Variants in MYH8 observed in about 807,000 individuals in gnomAD.
The protein encoded by MYH8 is myosin heavy chain 8.
MYH8 carries 168 observed loss-of-function variants against 233.2 expected under a neutral mutation model. The ratio of observed to expected loss-of-function variants is 0.72; its 90% CI spans 0.64 to 0.82. The LOEUF (loss-of-function observed/expected upper bound fraction) is 0.82, where lower values mean the gene tolerates loss of function less well. Among genes scored for constraint, MYH8 ranks in the 40% least tolerant of loss-of-function variants. MYH8 has a pLI of 0.00. For synonymous variants in MYH8, 785 were observed against 850.6 expected, an observed-to-expected ratio of 0.92 and a Z score of 1.34; for missense variants, 1,995 against 2,327.8, an observed-to-expected ratio of 0.86 and a Z score of 2.94.
At position 10,391,910 on chromosome 17, in the gene MYH8, T is replaced by G. The variant is rs769925803; in HGVS notation, c.5636A>C (p.Lys1879Thr). 6.2e-7 allele frequency: 1 copy of G among 1,614,120 alleles called. No homozygotes were observed. Among genetic ancestry groups the G allele is most frequent in the Non-Finnish European group, 8.5e-7 (1 of 1,179,994 alleles). The change falls in exon 39 of 40, where the codon AAA becomes ACA. Residue 1879 changes from lysine (K) to threonine (T), a missense_variant. Coordinates refer to ENST00000403437, the MANE Select transcript of MYH8 (RefSeq NM_002472.3). ...CTCCTCAGCTTGTCTCTTGTATGAT[T>G]TCACCTTCGCCTGTAATTTATCTAC... Reference protein sequence around the residue: ...DLVDKLQAKVKSYKRQAEEAE... With the variant: ...DLVDKLQAKVTSYKRQAEEAE...
At position 10,390,468 on chromosome 17, in the gene MYH8, T is replaced by C. The variant is rs934091317; in HGVS notation, c.5800A>G (p.Ile1934Val). 4.0e-5 allele frequency: 64 copies of C among 1,613,532 alleles called. No homozygotes were observed. The highest frequency in any genetic ancestry group is 1.8e-4 in the Middle Eastern group (1 of 5,582). ...RVKSREVHTK[I>V]SAE ...GGCAGGTGTGTTTACTCTGCACTGA[T>C]TTTTGTGTGAACCTCTCGGCTCTTC... Residue 1934 changes from isoleucine to valine, a missense_variant, in exon 40 of 40, where the codon ATC becomes GTC. Physicochemically the swap from Ile to Val is conservative, Grantham distance 29. Coordinates refer to ENST00000403437, the MANE Select transcript of MYH8 (RefSeq NM_002472.3).
chr17:10,415,584 T>G lies in MYH8; in HGVS notation c.540-4A>C. ...CTTTCCGGCACCAGATTCTCCGCTGTCAAACAGAAATCAGAGAAGAGATCA... is the reference window on the plus strand; with the variant it reads ...CTTTCCGGCACCAGATTCTCCGCTGGCAAACAGAAATCAGAGAAGAGATCA... On this transcript the variant is annotated splice_region_variant and splice_polypyrimidine_tract_variant and intron_variant, in intron 6 of 39. Transcript: ENST00000403437. This position sits in a 1 kb window ranked among gnomAD's most constrained non-coding sequence, Gnocchi z 4.1. 1 of 1,614,090 alleles carries G rather than the reference T, an allele frequency of 6.2e-7. No individual in the cohort carries two copies. The highest frequency in any genetic ancestry group is 1.1e-5 in the South Asian group (1 of 91,076).
At chr17:10,397,170 G>A (rs1231747675) in intron 30 of MYH8, among the ~76,000 whole-genome samples, 184 bp from the exon 31 acceptor site, 5 of 152,228 alleles carry the variant, frequency 3.3e-5, no homozygotes, top group South Asian at 2.1e-4. Flanking sequence ...GCGACCTCCC[G>A]GGTTCAAGCG....
At chr17:10,414,144 G>T (rs1597404507) in intron 11 of MYH8, 48 bp downstream of exon 11, 1 of 1,608,266 alleles carries the variant, frequency 6.2e-7, no homozygotes, top group African/African-American at 1.3e-5. Context: ...GTTTGCTATT[G>T]TCATTTCCAT....
In MYH8 at chr17:10,400,537, C is replaced by T; in HGVS notation, c.3588G>A (p.Arg1196=). 3 of 1,614,170 alleles carry T rather than the reference C, an allele frequency of 1.9e-6. No individual in the cohort carries two copies. Among genetic ancestry groups the T allele is most frequent in the Non-Finnish European group, 2.5e-6 (3 of 1,180,008 alleles). Residue 1196 remains arginine (R), a synonymous_variant, in exon 27 of 40, where the codon CGG becomes CGA. Transcript: ENST00000403437. This position sits in a 1 kb window ranked among gnomAD's most constrained non-coding sequence, Gnocchi z 4.0. The part of the protein sequence containing the change: ...LQHEAMVAAL[R]KKHADSMAEL... Reference sequence around the variant, plus strand: ...CAGCCATACTGTCTGCGTGCTTCTTCCGAAGAGCAGCCACCATAGCTTCAT... The same window carrying T: ...CAGCCATACTGTCTGCGTGCTTCTTTCGAAGAGCAGCCACCATAGCTTCAT...
intron 39 of MYH8, 52 bp downstream of exon 39, chr17:10,391,830 T>C: frequency 7.0e-7 from 1 of 1,430,448 alleles, no homozygotes. Context: ...TTAAAACACT[T>C]TCTACTGCAA....
At chr17:10,402,806 G>T (rs2072155657) in intron 22 of MYH8, among the ~76,000 whole-genome samples, 1 of 152,032 alleles carries the variant, frequency 6.6e-6, no homozygotes, top group African/African-American at 2.4e-5. Flanking sequence ...TCTATATTCA[G>T]ATTTCCCCAG....
At chr17:10,397,085 T>G in intron 30 of MYH8, 99 bp from the exon 31 acceptor site, 1 of 1,376,634 alleles carries the variant, frequency 7.3e-7, no homozygotes, top group Non-Finnish European at 1.0e-6. Context: ...TTTCTTTTCT[T>G]TTGTTTCTTT....
chr17:10,415,044 G>A lies in MYH8; in HGVS notation c.805+72C>T. ...TTTTAACAGGCTTCATGCACAGCAA[G>A]GGTGGCAAAATATCCCTGCAAATGA... On this transcript the variant is annotated intron_variant, in intron 9 of 39. Coordinates refer to ENST00000403437, the MANE Select transcript of MYH8 (RefSeq NM_002472.3). The surrounding 1 kb of genome is among the most constrained non-coding windows in gnomAD (Gnocchi z 4.1). 1.4e-6 allele frequency: 2 copies of A among 1,417,614 alleles called. No homozygotes were observed. The highest frequency in any genetic ancestry group is 1.1e-5 in the South Asian group (1 of 87,090). 87.8% of individuals were successfully genotyped at this position (1,417,614 alleles called of 1,614,324 possible).
At chr17:10,414,732 A>G (rs1393558345) in intron 9 of MYH8, among the ~76,000 whole-genome samples, 1 of 152,172 alleles carries the variant, frequency 6.6e-6, no homozygotes, top group African/African-American at 2.4e-5. Flanking sequence ...TTGATCCCTA[A>G]TATCCCCTCC....
chr17:10,403,962 A>C (rs915735667), intron 22 of MYH8, among the ~76,000 whole-genome samples: 1 of 152,206 alleles, frequency 6.6e-6, no homozygotes, highest in Non-Finnish European at 1.5e-5. Context: ...ATAAGTTTGA[A>C]TTTAAATACA....
At position 10,390,441 on chromosome 17, in the gene MYH8, C is replaced by T; in HGVS notation, c.*13G>A. 1.2e-6 allele frequency: 2 copies of T among 1,612,926 alleles called. No homozygotes were observed. Among genetic ancestry groups the T allele is most frequent in the Non-Finnish European group, 1.7e-6 (2 of 1,180,016 alleles). On this transcript the variant is annotated 3_prime_UTR_variant, in exon 40 of 40. Coordinates refer to ENST00000403437, the MANE Select transcript of MYH8 (RefSeq NM_002472.3). Reference sequence around the variant, plus strand: ...CCTTTCTTCAGCCTCTTGATAGCATCAGGCAGGTGTGTTTACTCTGCACTG... The same window carrying T: ...CCTTTCTTCAGCCTCTTGATAGCATTAGGCAGGTGTGTTTACTCTGCACTG...
intron 15 of MYH8, 117 bp downstream of exon 15, chr17:10,410,660 T>G (rs778422914): frequency 2.0e-6 from 3 of 1,509,744 alleles, no homozygotes; most frequent in Non-Finnish European, 2.8e-6. Flanking sequence ...TAAATAGTAA[T>G]TTTCCAGTTT....
Position 10,401,697 on chromosome 17 carries a change from G to T in MYH8, c.2777C>A (p.Thr926Asn), listed in dbSNP as rs571369477. The change falls in exon 23 of 40, where the codon ACT becomes AAT. Residue 926 changes from threonine (T) to asparagine (N), a missense_variant. Physicochemically the swap from Thr to Asn is moderately conservative, Grantham distance 65. Around this residue, in one of 3 missense-constraint regions of MYH8, gnomAD observed 1,498 missense variants for 1,680.9 expected, o/e 0.89. Transcript: ENST00000403437. The stretch of plus-strand genomic sequence containing the variant: ...CTCTTCCTCCTCCTCAGCTCTTTCA[G>T]TCACCTCTTTGATTTTGGCCTCAAG... Reference protein sequence around the residue: ...IQLEAKIKEVTERAEEEEEIN... With the variant: ...IQLEAKIKEVNERAEEEEEIN... 11 of 1,614,030 alleles carry T rather than the reference G, an allele frequency of 6.8e-6. No individual in the cohort carries two copies. Among genetic ancestry groups the T allele is most frequent in the Non-Finnish European group, 9.3e-6 (11 of 1,180,034 alleles).
rs1483407920 is a variant in MYH8, at chr17:10,396,672, A to T, written c.4409T>A (p.Leu1470His). ...ACGTGACTCCTTCTGGGAGGCCTCA[A>T]GTTCAGCCTGAGTTTCCTCATACTT... ...KQKYEETQAE[L>H]EASQKESRSL... The change falls in exon 32 of 40, where the codon CTT (leucine) becomes CAT (histidine). Residue 1470 changes from leucine (L) to histidine (H), a missense_variant. This residue lies in a region of MYH8 where 1,498 missense variants were observed against 1,680.9 expected (regional missense o/e 0.89). Transcript: ENST00000403437. This position sits in a 1 kb window ranked among gnomAD's most constrained non-coding sequence, Gnocchi z 4.2. 6 of 1,614,232 alleles carry T rather than the reference A, an allele frequency of 3.7e-6. No homozygotes were observed. In the East Asian group the frequency reaches 1.3e-4, roughly 36 times the overall value.
At position 10,396,610 on chromosome 17, in the gene MYH8, A is replaced by G; in HGVS notation, c.4471T>C (p.Tyr1491His). The G allele has an allele frequency of 1.2e-6, 2 of 1,614,182 alleles. No individual in the cohort carries two copies. The highest frequency in any genetic ancestry group is 8.5e-7 in the Non-Finnish European group (1 of 1,180,034). The change falls in exon 32 of 40, where the codon TAT (tyrosine) becomes CAT (histidine). Residue 1491 changes from tyrosine to histidine, a missense_variant. Coordinates refer to ENST00000403437, the MANE Select transcript of MYH8 (RefSeq NM_002472.3). This position sits in a 1 kb window ranked among gnomAD's most constrained non-coding sequence, Gnocchi z 4.2. ...TCGAGTTGATCCAGGGATTCCTCAT[A>G]GACATTCTTCACCTTGAACAGCTCA... ...STELFKVKNV[Y>H]EESLDQLETL...
rs766584008 is a variant in MYH8 at position 10,415,489 on chromosome 17, C to T, written c.631G>A (p.Glu211Lys). The T allele has an allele frequency of 3.7e-6, 6 of 1,614,232 alleles. No homozygotes were observed. The highest frequency in any genetic ancestry group is 1.6e-4 in the Middle Eastern group (1 of 6,062). ...IAVTGEKKKDESGKMQGTLED... is the reference protein window; with the variant it reads ...IAVTGEKKKDKSGKMQGTLED... ...AGACCTACCTGCATTTTGCCAGATT[C>T]ATCCTTCTTCTTCTCTCCAGTAACT... The change falls in exon 7 of 40, where the codon GAA (glutamate) becomes AAA (lysine). Residue 211 changes from glutamate to lysine, a missense_variant. Glu to Lys is a moderately conservative substitution (Grantham distance 56). Transcript: ENST00000403437. This position sits in a 1 kb window ranked among gnomAD's most constrained non-coding sequence, Gnocchi z 4.1.
At chr17:10,401,850 G>A in intron 22 of MYH8, 65 bp from the exon 23 acceptor site, 2 of 1,597,828 alleles carry the variant, frequency 1.3e-6, no homozygotes, top group Non-Finnish European at 1.7e-6. Flanking sequence ...TGTTTTTTTT[G>A]CGCAAAAATA....
At position 10,395,250 on chromosome 17, in the gene MYH8, C is replaced by T; in HGVS notation, c.4845G>A (p.Leu1615=). The T allele has an allele frequency of 6.2e-7, 1 of 1,614,166 alleles. No individual in the cohort carries two copies. The part of the protein sequence containing the change: ...DAEIRSRNDA[L]RVKKKMEGDL... ...CTCCTTCCATTTTCTTCTTGACTCT[C>T]AGAGCATCATTTCTGCTTCTAATCT... The change falls in exon 34 of 40, where the codon CTG becomes CTA. Residue 1615 remains leucine (L), a synonymous_variant. Coordinates refer to ENST00000403437, the MANE Select transcript of MYH8 (RefSeq NM_002472.3).
Sources: allele counts gnomAD v4.1 joint callset (sites outside exome capture counted in the v4.1 genomes callset), GRCh38; gene constraint gnomAD v4.1.1; regional missense constraint gnomAD v4.1.1; non-coding constraint Gnocchi (gnomAD v3.1); transcripts MANE v1.5; gene names NCBI Gene and HGNC (gene_info 2026-07-23, HGNC 2026-07-21).